Variants in NRXN1 observed in about 807,000 individuals in gnomAD.
NRXN1 encodes neurexin 1.
NRXN1 carries 39 observed loss-of-function variants against 150.9 expected under a neutral mutation model. The observed-to-expected ratio is 0.26, with a 90% confidence interval of 0.20 to 0.34. The LOEUF (loss-of-function observed/expected upper bound fraction) is 0.34. NRXN1 is among the 10% of genes least tolerant of loss of function. The pLI, the probability that NRXN1 is intolerant of heterozygous loss-of-function variation, is 1.00. For synonymous variants in NRXN1, 924 were observed against 757.0 expected, an observed-to-expected ratio of 1.22 and a Z score of -3.62; for missense variants, 1,815 against 1,949.9, an observed-to-expected ratio of 0.93 and a Z score of 1.30.
chr2:50,188,610 T>C (rs2061241522), intron 18 of NRXN1, among the ~76,000 whole-genome samples: 1 of 152,142 alleles, frequency 6.6e-6, no homozygotes, highest in African/African-American at 2.4e-5. Flanking sequence ...GAGAAAATTT[T>C]TGCAAGCTAT....
At chr2:50,181,942 T>C (rs970010341) in intron 18 of NRXN1, among the ~76,000 whole-genome samples, 1 of 151,956 alleles carries the variant, frequency 6.6e-6, no homozygotes, top group African/African-American at 2.4e-5. Context: ...TTTAAAAAGT[T>C]CCTTAACACA....
Position 50,528,609 on chromosome 2 carries a change from T to G in NRXN1, c.2374+16A>C, listed in dbSNP as rs760410884. 4 of 1,448,758 alleles carry G rather than the reference T, an allele frequency of 2.8e-6. No homozygotes were observed. In the African/African-American group the frequency reaches 5.6e-5, roughly 20 times the overall value. The allele number at this position is 1,448,758 out of a possible 1,614,324, so 89.7% of individuals were successfully genotyped here. ...ATGGAGGAATAACATTTTAAAAATT[T>G]TGAATAGGCACTTACTGGAATTACA... On this transcript the variant is annotated intron_variant, in intron 12 of 22. Coordinates refer to ENST00000401669, the MANE Select transcript of NRXN1 (RefSeq NM_001330078.2).
Position 50,337,106 on chromosome 2 carries a change from G to A in NRXN1, c.3365-100136C>T, listed in dbSNP as rs145510051. Among the ~76,000 whole-genome samples the A allele has an allele frequency of 9.4e-3, 1,346 of 143,206 alleles. 18 individuals are homozygous for A. Among genetic ancestry groups the A allele is most frequent in the African/African-American group, 0.033 (1,264 of 38,550 alleles). 93.9% of individuals were successfully genotyped at this position (143,206 alleles called of 152,430 possible). A position where few individuals can be genotyped will look rare whatever the true frequency, so the allele number is the denominator to read the frequency against. Reference sequence around the variant, plus strand: ...TTCTTTTTTTTTTTTTTTTTGAGACGGAGTTTAGCTCTTGTTGCCCAGGCT... The same window carrying A: ...TTCTTTTTTTTTTTTTTTTTGAGACAGAGTTTAGCTCTTGTTGCCCAGGCT... On this transcript the variant is annotated intron_variant, in intron 17 of 22. Transcript: ENST00000401669.
chr2:50,797,262 T>C (rs934010233), intron 5 of NRXN1, among the ~76,000 whole-genome samples: 8 of 152,122 alleles, frequency 5.3e-5, no homozygotes, highest in African/African-American at 7.2e-5. Context: ...CTCTGTATCA[T>C]AGACAAGATA....
chr2:50,995,552 C>T (rs1431079720), intron 2 of NRXN1, among the ~76,000 whole-genome samples: 1 of 149,700 alleles, frequency 6.7e-6, no homozygotes, highest in Non-Finnish European at 1.5e-5. Context: ...TTGCAGTGAG[C>T]CAAGAGTGTG....
rs939574257 is a variant in NRXN1, at chr2:50,332,897, CA to C, written c.3365-95928del. Among the ~76,000 whole-genome samples the C allele has an allele frequency of 1.2e-4, 19 of 152,154 alleles. 1 individual carries two copies. The highest frequency in any genetic ancestry group is 1.1e-3 in the Admixed American group (17 of 15,286). On this transcript the variant is annotated intron_variant, in intron 17 of 22. Coordinates refer to ENST00000401669, the MANE Select transcript of NRXN1 (RefSeq NM_001330078.2). ...CAAACTGGAATCCTCATTTCTTTTC[CA>C]AAAGACAAAAACTAATAAGCAACAA...
At chr2:50,231,461 A>C (rs558156234) in intron 18 of NRXN1, among the ~76,000 whole-genome samples, 1 of 152,130 alleles carries the variant, frequency 6.6e-6, no homozygotes, top group African/African-American at 2.4e-5. Flanking sequence ...TTTCTAGTCT[A>C]CACTAAAACC....
At position 51,017,539 on chromosome 2, in the gene NRXN1, T is replaced by A. The variant is rs867285941; in HGVS notation, c.772+9963A>T. Among the ~76,000 whole-genome samples, 19 of 98,312 alleles carry A rather than the reference T, an allele frequency of 1.9e-4. 1 individual carries two copies. The highest frequency in any genetic ancestry group is 5.8e-3 in the Middle Eastern group (1 of 172). 64.5% of individuals were successfully genotyped at this position (98,312 alleles called of 152,430 possible). On this transcript the variant is annotated intron_variant, in intron 2 of 22. Coordinates refer to ENST00000401669, the MANE Select transcript of NRXN1 (RefSeq NM_001330078.2). ...TTTTTTTTTTTTTTTTTTTTTTTTT[T>A]AGAAATGAGGTCTCGCTTTTTTGTC... is the stretch of plus-strand genomic sequence containing the variant.
intron 21 of NRXN1, among the ~76,000 whole-genome samples, chr2:49,995,336 T>C (rs2152525368): frequency 6.6e-6 from 1 of 152,300 alleles, no homozygotes; most frequent in African/African-American, 2.4e-5. Flanking sequence ...AACATTGTCA[T>C]GTGTAATTAT....
intron 5 of NRXN1, among the ~76,000 whole-genome samples, chr2:50,804,165 T>C (rs1667214645): frequency 6.6e-6 from 1 of 152,222 alleles, no homozygotes; most frequent in African/African-American, 2.4e-5. Context: ...TGATTACCAA[T>C]TATAAAAAGA....
chr2:50,185,367 T>C (rs1191157530), intron 18 of NRXN1, among the ~76,000 whole-genome samples: 2 of 152,054 alleles, frequency 1.3e-5, no homozygotes, highest in Non-Finnish European at 2.9e-5. Context: ...TTTAACTTGC[T>C]ATTACCATAT....
chr2:50,864,672 T>A (rs1346365405), intron 5 of NRXN1, among the ~76,000 whole-genome samples: 1 of 152,014 alleles, frequency 6.6e-6, no homozygotes, highest in East Asian at 1.9e-4. Flanking sequence ...GGCATTAAGA[T>A]GCTGTGTGTA....
At chr2:50,935,697 A>G (rs1329011018) in intron 2 of NRXN1, among the ~76,000 whole-genome samples, 1 of 152,120 alleles carries the variant, frequency 6.6e-6, no homozygotes, top group Non-Finnish European at 1.5e-5. Context: ...ACTGCACTCC[A>G]GCCTAGGTAA....
chr2:50,877,484 A>T (rs112872448), intron 5 of NRXN1, among the ~76,000 whole-genome samples: 56 of 151,966 alleles, frequency 3.7e-4, no homozygotes, highest in African/African-American at 1.3e-3. Flanking sequence ...GTCCAATCAC[A>T]TCTTTTCTGA....
At chr2:50,137,017 G>C (rs1220943622) in intron 18 of NRXN1, among the ~76,000 whole-genome samples, 1 of 152,068 alleles carries the variant, frequency 6.6e-6, no homozygotes, top group Non-Finnish European at 1.5e-5. Context: ...AGAATCTATA[G>C]ACAGTACTTA....
chr2:50,020,828 T>G (rs1266227488), intron 21 of NRXN1, among the ~76,000 whole-genome samples: 1 of 152,168 alleles, frequency 6.6e-6, no homozygotes, highest in East Asian at 1.9e-4. Context: ...TAGTAAAAAT[T>G]TTATTAAATC....
At chr2:49,956,197 A>T (rs1459667383) in intron 21 of NRXN1, among the ~76,000 whole-genome samples, 1 of 152,114 alleles carries the variant, frequency 6.6e-6, no homozygotes, top group East Asian at 1.9e-4. Flanking sequence ...AAGTAATTTG[A>T]TAGGAAAAAT....
chr2:50,241,011 T>G (rs902487996), intron 17 of NRXN1, among the ~76,000 whole-genome samples: 3 of 151,652 alleles, frequency 2.0e-5, no homozygotes, highest in Non-Finnish European at 4.4e-5. Context: ...AAAATGACAT[T>G]CCTACCTCGT....
At chr2:50,819,721 G>T (rs1195764181) in intron 5 of NRXN1, among the ~76,000 whole-genome samples, 1 of 151,816 alleles carries the variant, frequency 6.6e-6, no homozygotes, top group Non-Finnish European at 1.5e-5. Flanking sequence ...AAGAAAAAAA[G>T]AATCTTAGTG....
Sources: allele counts gnomAD v4.1 joint callset (sites outside exome capture counted in the v4.1 genomes callset), GRCh38; gene constraint gnomAD v4.1.1; transcripts MANE v1.5; gene names NCBI Gene and HGNC (gene_info 2026-07-23, HGNC 2026-07-21).